Variants in GALNT18 observed in about 807,000 individuals in gnomAD.
GALNT18 encodes polypeptide N-acetylgalactosaminyltransferase 18.
Under a neutral mutation model 69.5 loss-of-function variants are expected in GALNT18, and 44 were observed. That is an observed-to-expected ratio of 0.63 (90% CI 0.50 to 0.81). GALNT18 has a LOEUF of 0.81. Among genes scored for constraint, GALNT18 ranks in the 40% least tolerant of loss-of-function variants. The probability of loss-of-function intolerance (pLI) is 0.00; values close to 1 mark genes in which losing one functional copy is unlikely to be tolerated. For synonymous variants in GALNT18, 364 were observed against 318.2 expected, an observed-to-expected ratio of 1.14 and a Z score of -1.53; for missense variants, 715 against 810.0, an observed-to-expected ratio of 0.88 and a Z score of 1.42.
At chr11:11,310,137 G>A (rs551851026) in intron 9 of GALNT18, among the ~76,000 whole-genome samples, 3 of 152,264 alleles carry the variant, frequency 2.0e-5, no homozygotes, top group African/African-American at 4.8e-5. Flanking sequence ...TCAGATAGAG[G>A]TTTTCTCACT....
intron 10 of GALNT18, among the ~76,000 whole-genome samples, chr11:11,276,758 A>T (rs1462864217): frequency 6.6e-6 from 1 of 152,200 alleles, no homozygotes; most frequent in African/African-American, 2.4e-5. Context: ...TTCTGCATCT[A>T]TTGAAATAAT....
At chr11:11,288,810 C>CTT (rs1239832183) in intron 10 of GALNT18, among the ~76,000 whole-genome samples, 4 of 152,070 alleles carry the variant, frequency 2.6e-5, no homozygotes, top group Non-Finnish European at 5.9e-5. Context: ...AGCAGAAAAT[C>CTT]AGGGTATGAG....
At chr11:11,326,972 G>A (rs1007309363) in intron 9 of GALNT18, 114 bp downstream of exon 9, 3 of 751,046 alleles carry the variant, frequency 4.0e-6, no homozygotes, top group African/African-American at 1.7e-5. Context: ...CCTGGTCCCA[G>A]AGCTGCCATG....
intron 6 of GALNT18, chr11:11,353,211 C>T: frequency 2.0e-6 from 3 of 1,509,556 alleles, no homozygotes; most frequent in East Asian, 2.3e-5. Context: ...GACCTTGTTT[C>T]AGACCTGTTT....
intron 6 of GALNT18, among the ~76,000 whole-genome samples, chr11:11,361,270 G>A (rs1474480189): frequency 1.3e-5 from 2 of 152,202 alleles, no homozygotes; most frequent in African/African-American, 4.8e-5. Flanking sequence ...AATGGCTTCT[G>A]AAGCCACCTT....
At chr11:11,453,441 G>A (rs941802530) in intron 1 of GALNT18, among the ~76,000 whole-genome samples, 4 of 151,994 alleles carry the variant, frequency 2.6e-5, no homozygotes, top group African/African-American at 2.4e-5. Flanking sequence ...ACATCCTCCT[G>A]GTCAGTTCCC....
At position 11,583,710 on chromosome 11, in the gene GALNT18, G is replaced by A. The variant is rs1016856393; in HGVS notation, c.235+37649C>T. Among the ~76,000 whole-genome samples, 2 of 152,008 alleles carry A rather than the reference G, an allele frequency of 1.3e-5. No homozygotes were observed. The highest frequency in any genetic ancestry group is 2.1e-4 in the South Asian group (1 of 4,816). On this transcript the variant is annotated intron_variant, in intron 1 of 10. Transcript: ENST00000227756. This position sits in a 1 kb window ranked among gnomAD's most constrained non-coding sequence, Gnocchi z 4.7. ...TATTTCCAAAGCCCTGACCACATAC[G>A]TGGTCAGGGAAAATGCTTAAAGCTT...
chr11:11,284,037 C>A (rs190202670), intron 10 of GALNT18, among the ~76,000 whole-genome samples: 41 of 152,316 alleles, frequency 2.7e-4, no homozygotes, highest in African/African-American at 9.9e-4. Flanking sequence ...CCCGCCTTGG[C>A]CACGTCACCT....
At chr11:11,477,374 C>G (rs1438222974) in intron 1 of GALNT18, among the ~76,000 whole-genome samples, 1 of 152,206 alleles carries the variant, frequency 6.6e-6, no homozygotes, top group South Asian at 2.1e-4. Flanking sequence ...GCTGCAGTCA[C>G]CTGGCCCAGC....
chr11:11,340,720 A>T lies in GALNT18; in HGVS notation c.1278+99T>A. 1.7e-6 allele frequency: 2 copies of T among 1,143,060 alleles called. No homozygotes were observed. Among genetic ancestry groups the T allele is most frequent in the Non-Finnish European group, 2.5e-6 (2 of 803,772 alleles). 70.8% of individuals were successfully genotyped at this position (1,143,060 alleles called of 1,614,324 possible). A position where few individuals can be genotyped will look rare whatever the true frequency, so the allele number is the denominator to read the frequency against. On this transcript the variant is annotated intron_variant, in intron 7 of 10. Transcript: ENST00000227756. This position sits in a 1 kb window ranked among gnomAD's most constrained non-coding sequence, Gnocchi z 4.2. ...AGTCCATTCTTGCATGGCAAACAGG[A>T]CTCTGGCTGACCCATAGGAAGAAGG...
intron 1 of GALNT18, among the ~76,000 whole-genome samples, chr11:11,490,229 T>TAACACACACA (rs1476845503): frequency 1.3e-4 from 9 of 70,196 alleles, no homozygotes; most frequent in East Asian, 4.4e-4. Context: ...TCTCTCTCTC[T>TAACACACACA]CTCTAACACA....
Position 11,415,838 on chromosome 11 carries a change from G to C in GALNT18, c.595+16783C>G, listed in dbSNP as rs17437666. Among the ~76,000 whole-genome samples the C allele has an allele frequency of 6.6e-6, 1 of 152,242 alleles. No homozygotes were observed. Among genetic ancestry groups the C allele is most frequent in the South Asian group, 2.1e-4 (1 of 4,822 alleles). ...ATTCAGGAATTCAGCAAGCAGCAAC[G>C]CTCTCCACTGTTGGACTCACATGTC... is the stretch of plus-strand genomic sequence containing the variant. On this transcript the variant is annotated intron_variant, in intron 3 of 10. Transcript: ENST00000227756. The surrounding 1 kb of genome is among the most constrained non-coding windows in gnomAD (Gnocchi z 4.1).
At chr11:11,547,655 C>T (rs914653328) in intron 1 of GALNT18, among the ~76,000 whole-genome samples, 2 of 152,208 alleles carry the variant, frequency 1.3e-5, no homozygotes, top group Non-Finnish European at 2.9e-5. Context: ...CTGCTCGAGA[C>T]CCTGCTACCA....
At chr11:11,411,671 C>T (rs1854731132) in intron 3 of GALNT18, among the ~76,000 whole-genome samples, 2 of 152,224 alleles carry the variant, frequency 1.3e-5, no homozygotes. Context: ...GAGATGCTCT[C>T]TCAAGGTGGA....
intron 6 of GALNT18, among the ~76,000 whole-genome samples, chr11:11,354,151 C>T (rs930739126): frequency 5.3e-5 from 8 of 152,334 alleles, no homozygotes; most frequent in East Asian, 1.9e-4. Context: ...CAGAATGAAT[C>T]GTCAGCATGG....
At chr11:11,479,167 C>T (rs1248394858) in intron 1 of GALNT18, among the ~76,000 whole-genome samples, 2 of 152,180 alleles carry the variant, frequency 1.3e-5, no homozygotes, top group East Asian at 3.9e-4. Context: ...TAACCCATTC[C>T]TTAAATTCTG....
In GALNT18 at chr11:11,602,705, A is replaced by G. The variant is rs1029325179; in HGVS notation, c.235+18654T>C. On this transcript the variant is annotated intron_variant, in intron 1 of 10. Coordinates refer to ENST00000227756, the MANE Select transcript of GALNT18 (RefSeq NM_198516.3). This position sits in a 1 kb window ranked among gnomAD's most constrained non-coding sequence, Gnocchi z 4.7. ...TGTTGTTTCACTGGGCAAAGGACCC[A>G]CAGAGCTCCTCACACTGCCATTCCA... Among the ~76,000 whole-genome samples, 2 of 152,198 alleles carry G rather than the reference A, an allele frequency of 1.3e-5. No individual in the cohort carries two copies. The highest frequency in any genetic ancestry group is 4.8e-5 in the African/African-American group (2 of 41,456).
intron 10 of GALNT18, among the ~76,000 whole-genome samples, chr11:11,291,818 G>A (rs1424002267): frequency 5.3e-5 from 8 of 152,108 alleles, no homozygotes; most frequent in Non-Finnish European, 1.2e-4. Flanking sequence ...GCTCAGTATT[G>A]ACATTCACTG....
At chr11:11,539,188 G>C (rs767383773) in intron 1 of GALNT18, among the ~76,000 whole-genome samples, 1 of 152,178 alleles carries the variant, frequency 6.6e-6, no homozygotes, top group Non-Finnish European at 1.5e-5. Flanking sequence ...GATATCCAAG[G>C]CTCCCTCTCA....
Sources: allele counts gnomAD v4.1 joint callset (sites outside exome capture counted in the v4.1 genomes callset), GRCh38; gene constraint gnomAD v4.1.1; non-coding constraint Gnocchi (gnomAD v3.1); transcripts MANE v1.5; gene names NCBI Gene and HGNC (gene_info 2026-07-23, HGNC 2026-07-21).